Variants in PKD1L1 observed in about 807,000 individuals in gnomAD.
PKD1L1 encodes the protein polycystin 1 like 1, transient receptor potential channel interacting.
A neutral mutation model predicts 323.4 loss-of-function variants in PKD1L1; 236 were observed. The observed-to-expected ratio is 0.73, with a 90% CI of 0.66 to 0.81. The LOEUF is 0.81. Ranked by LOEUF, PKD1L1 falls within the 40% of genes least tolerant of loss-of-function variation. PKD1L1 has a pLI of 0.00. For missense variants in PKD1L1, 3,320 were observed against 3,508.0 expected, an observed-to-expected ratio of 0.95 and a Z score of 1.35; for synonymous variants, 1,344 against 1,335.0, an observed-to-expected ratio of 1.01 and a Z score of -0.15.
At chr7:47,940,519 C>A (rs1787964684) in intron 2 of PKD1L1, among the ~76,000 whole-genome samples, 1 of 152,172 alleles carries the variant, frequency 6.6e-6, no homozygotes, top group South Asian at 2.1e-4. Flanking sequence ...TAAACAATGT[C>A]TTAGGTGTAG....
chr7:47,861,664 C>A (rs1212703253), intron 26 of PKD1L1, among the ~76,000 whole-genome samples: 2 of 151,990 alleles, frequency 1.3e-5, no homozygotes, highest in East Asian at 3.9e-4. Context: ...GGGCGGATCA[C>A]AAGGTCAGGA....
rs915231474 is a variant in PKD1L1, at chr7:47,943,505, G to C, written c.51C>G (p.Leu17=). ...CAAAGGAAAGGCAGCAGGCAGCCTG[G>C]AGACACCTAAGGGAAAGAAAATAAC... ...QNISDDQERC[L]QAACCLSFGG... is the part of the protein sequence containing the mutation. The change falls in exon 2 of 57, where the codon CTC becomes CTG. Residue 17 remains leucine (L), a synonymous_variant. Transcript: ENST00000289672. 4 of 1,612,132 alleles carry C rather than the reference G, an allele frequency of 2.5e-6. No homozygotes were observed. Among genetic ancestry groups the C allele is most frequent in the South Asian group, 1.1e-5 (1 of 91,070 alleles).
intron 54 of PKD1L1, among the ~76,000 whole-genome samples, chr7:47,800,260 T>C (rs888463032): frequency 2.0e-5 from 3 of 152,060 alleles, no homozygotes; most frequent in African/African-American, 7.2e-5. Context: ...CCAGTGGAGG[T>C]GGCTGATGGG....
At chr7:47,865,159 A>G in intron 26 of PKD1L1, 57 bp downstream of exon 26, 1 of 1,258,828 alleles carries the variant, frequency 7.9e-7, no homozygotes. Context: ...AGAACTGATC[A>G]TGTCCCTCAA....
intron 31 of PKD1L1, among the ~76,000 whole-genome samples, chr7:47,847,834 G>A (rs904156052): frequency 2.6e-5 from 4 of 151,984 alleles, no homozygotes; most frequent in Admixed American, 2.0e-4. Context: ...AATTTTGAAC[G>A]ATGGTTCAAA....
At chr7:47,914,767 C>A (rs11770913) in intron 8 of PKD1L1, among the ~76,000 whole-genome samples, 1 of 152,028 alleles carries the variant, frequency 6.6e-6, no homozygotes, top group Non-Finnish European at 1.5e-5. Flanking sequence ...AACATCCCCT[C>A]TCCCTCATCA....
At chr7:47,893,785 A>T in intron 15 of PKD1L1, 93 bp downstream of exon 15, 1 of 1,317,080 alleles carries the variant, frequency 7.6e-7, no homozygotes, top group Non-Finnish European at 1.0e-6. Flanking sequence ...CTTAAAATTT[A>T]AAACTATTAA....
chr7:47,809,480 C>T lies in PKD1L1; in HGVS notation c.7679G>A (p.Trp2560Ter). ...VLSYWRKPRN[W>*]LELSVVGVSL... is the part of the protein sequence containing the mutation. ...TGACACAAGAGAGGCTACCTCCAGC[C>T]AGTTCCTTGGCTTTCGCCAGTAGCT... Residue 2560 changes from tryptophan (W) to a stop codon, truncating the protein, a stop_gained, in exon 51 of 57, where the codon TGG (tryptophan) becomes TAG (stop). Coordinates refer to ENST00000289672, the MANE Select transcript of PKD1L1 (RefSeq NM_138295.5). LOFTEE classifies it high-confidence loss of function. The T allele has an allele frequency of 1.9e-6, 3 of 1,595,668 alleles. No individual in the cohort carries two copies. Among genetic ancestry groups the T allele is most frequent in the Non-Finnish European group, 2.6e-6 (3 of 1,168,968 alleles).
At chr7:47,831,132 G>GT in intron 42 of PKD1L1, 85 bp downstream of exon 42, 1 of 1,492,760 alleles carries the variant, frequency 6.7e-7, no homozygotes, top group Non-Finnish European at 9.1e-7. Context: ...CATCTGATGA[G>GT]TTCCCAGAAA....
Position 47,774,997 on chromosome 7 carries a change from A to G in PKD1L1, c.*146T>C. 2.5e-6 allele frequency: 2 copies of G among 785,456 alleles called. No homozygotes were observed. The highest frequency in any genetic ancestry group is 4.3e-6 in the Non-Finnish European group (2 of 469,526). 48.7% of individuals were successfully genotyped at this position (785,456 alleles called of 1,614,324 possible). A position where few individuals can be genotyped will look rare whatever the true frequency, so the allele number is the denominator to read the frequency against. On this transcript the variant is annotated 3_prime_UTR_variant, in exon 57 of 57. Coordinates refer to ENST00000289672, the MANE Select transcript of PKD1L1 (RefSeq NM_138295.5). The stretch of plus-strand genomic sequence containing the variant: ...TGATTTTCATCCTGGTTTCCCATTT[A>G]CTTGTTACGTGAACTGGAAAAATTA...
intron 19 of PKD1L1, 112 bp from the exon 20 acceptor site, chr7:47,882,197 C>A (rs187036371): frequency 9.1e-7 from 1 of 1,103,092 alleles, no homozygotes; most frequent in South Asian, 1.4e-5. Context: ...TGCTGGATAC[C>A]GCCTATCTAA....
intron 6 of PKD1L1, 122 bp from the exon 7 acceptor site, chr7:47,929,648 A>G: frequency 1.1e-6 from 1 of 873,400 alleles, no homozygotes; most frequent in East Asian, 2.6e-5. Flanking sequence ...AAACCTGATG[A>G]AAGGCTTCAC....
chr7:47,827,737 C>T (rs1363692068), intron 44 of PKD1L1, among the ~76,000 whole-genome samples: 1 of 152,144 alleles, frequency 6.6e-6, no homozygotes, highest in African/African-American at 2.4e-5. Flanking sequence ...CAAAGAGCTG[C>T]TGTACACGAG....
At chr7:47,884,695 A>G (rs747014938) in intron 18 of PKD1L1, 38 bp from the exon 19 acceptor site, 1 of 1,552,666 alleles carries the variant, frequency 6.4e-7, no homozygotes, top group Admixed American at 1.7e-5. Context: ...TTCCTTTAAA[A>G]TCACAGAATC....
At chr7:47,874,441 G>A (rs1010941304) in intron 23 of PKD1L1, among the ~76,000 whole-genome samples, 2 of 152,152 alleles carry the variant, frequency 1.3e-5, no homozygotes, top group Non-Finnish European at 1.5e-5. Flanking sequence ...TAGAAAGATC[G>A]ACGCCCAGGT....
chr7:47,901,579 C>T (rs964495900), intron 13 of PKD1L1, among the ~76,000 whole-genome samples: 51 of 152,284 alleles, frequency 3.3e-4, no homozygotes, highest in African/African-American at 1.1e-3. Flanking sequence ...ACCCAGAGAA[C>T]GCGTTCCCCC....
At chr7:47,853,504 A>G (rs1785826537) in intron 30 of PKD1L1, among the ~76,000 whole-genome samples, 2 of 152,158 alleles carry the variant, frequency 1.3e-5, no homozygotes, top group African/African-American at 2.4e-5. Context: ...GCACTTTGGG[A>G]GGCCGAGATG....
intron 53 of PKD1L1, 38 bp from the exon 54 acceptor site, chr7:47,800,917 C>A (rs1239666287): frequency 1.9e-6 from 3 of 1,554,514 alleles, no homozygotes; most frequent in Non-Finnish European, 2.7e-6. Context: ...GACCTTGTCA[C>A]CTCTTCTTAG....
chr7:47,888,930 GGT>G, intron 16 of PKD1L1, among the ~76,000 whole-genome samples: 1 of 152,190 alleles, frequency 6.6e-6, no homozygotes, highest in African/African-American at 2.4e-5. Flanking sequence ...GATACTCTGG[GGT>G]GTGTGTGGTA....
Sources: gnomAD v4.1 joint callset for allele counts (sites outside exome capture counted in the v4.1 genomes callset) on GRCh38, gnomAD v4.1.1 for gene constraint, MANE v1.5 for transcripts, NCBI Gene and HGNC (gene_info 2026-07-23, HGNC 2026-07-21) for gene names.